The following BBS2 variants were observed in gnomAD, a reference collection of about 807,000 sequenced individuals.
The protein encoded by BBS2 is BBSome complex member BBS2.
In BBS2, 62 loss-of-function variants were observed where a neutral mutation model predicts 83.0. That is an observed-to-expected ratio of 0.75 (90% CI 0.61 to 0.92). The LOEUF (loss-of-function observed/expected upper bound fraction) is 0.92. Among genes scored for constraint, BBS2 ranks in the 40% least tolerant of loss-of-function variants. The pLI is 0.00. For missense variants in BBS2, 784 were observed against 901.0 expected (o/e 0.87, Z 1.66); for synonymous variants, 303 against 326.1 (o/e 0.93, Z 0.76).
At chr16:56,481,844 GAGT>G (rs1567562307), downstream of BBS2, among the ~76,000 whole-genome samples, 1 of 152,124 alleles carries the variant, frequency 6.6e-6, no homozygotes, top group Non-Finnish European at 1.5e-5. Context: ...GGGAAGTTTG[GAGT>G]AGAAGAGGCC....
intron 4 of BBS2, 146 bp downstream of exon 4, chr16:56,510,713 G>A (rs541209505): frequency 4.3e-5 from 34 of 792,756 alleles, no homozygotes; most frequent in South Asian, 2.5e-4. Context: ...AGAGAAAGAC[G>A]AATGGGGCCA....
intron 17 of BBS2, chr16:56,475,949 T>A (rs1457930888): frequency 8.7e-7 from 1 of 1,145,246 alleles, no homozygotes; most frequent in Admixed American, 2.3e-5. Context: ...CCAGATTAAG[T>A]GCTTGATATG....
chr16:56,483,398 A>T (rs1963693623), downstream of BBS2, among the ~76,000 whole-genome samples: 1 of 152,194 alleles, frequency 6.6e-6, no homozygotes, highest in African/African-American at 2.4e-5. Context: ...TATGTACTGA[A>T]TGTGAAACTA....
At position 56,508,392 on chromosome 16, in the gene BBS2, A is replaced by G. The variant is rs527485122; in HGVS notation, c.612+1565T>C. On this transcript the variant is annotated intron_variant, in intron 5 of 16. Transcript: ENST00000245157. ...AATTTTGCAAAATCCCACCATTCTG[A>G]TCTCTAAGACTCTCTTTTACTGGTT... Among the ~76,000 whole-genome samples, 3 of 152,224 alleles carry G rather than the reference A, an allele frequency of 2.0e-5. No individual in the cohort carries two copies. The East Asian group carries it at 5.8e-4, about 29-fold the overall frequency.
chr16:56,510,750 C>T, intron 4 of BBS2, 109 bp downstream of exon 4: 1 of 1,166,616 alleles, frequency 8.6e-7, no homozygotes, highest in Non-Finnish European at 1.3e-6. Context: ...GGCAACAGAG[C>T]ACCAAAATCA....
At chr16:56,494,125 ATTTTTTTTT>A (rs774708101) in intron 15 of BBS2, among the ~76,000 whole-genome samples, 1 of 120,150 alleles carries the variant, frequency 8.3e-6, no homozygotes, top group African/African-American at 3.3e-5. Context: ...TGCCCAGCTA[ATTTTTTTTT>A]TTTTTTTTTT....
In BBS2 at chr16:56,497,760, G is replaced by C; in HGVS notation, c.1780C>G (p.Arg594Gly). 3.1e-6 allele frequency: 5 copies of C among 1,613,242 alleles called. No homozygotes were observed. The highest frequency in any genetic ancestry group is 4.2e-6 in the Non-Finnish European group (5 of 1,179,826). ...ADFPVYFEEL[R>G]KVLVKVDEYH... ...TCCCTCACCTTAACTAGCACCTTTC[G>C]TAATTCCTCAAAATAGACAGGAAAA... Residue 594 changes from arginine to glycine, a missense_variant, in exon 14 of 17, where the codon CGA becomes GGA. Transcript: ENST00000245157.
downstream of BBS2, among the ~76,000 whole-genome samples, chr16:56,483,315 T>C (rs1383572100): frequency 6.6e-6 from 1 of 152,186 alleles, no homozygotes; most frequent in Non-Finnish European, 1.5e-5. Flanking sequence ...CACAAGGCCC[T>C]AGGACAGCCC....
rs1212295885 is a variant in BBS2 at position 56,497,094 on chromosome 16, C to T, written c.1798-15G>A. 2 of 1,553,488 alleles carry T rather than the reference C, an allele frequency of 1.3e-6. No homozygotes were observed. The highest frequency in any genetic ancestry group is 1.8e-6 in the Non-Finnish European group (2 of 1,124,976). ...TATTCATCCACCTGGAGACCATGAA[C>T]ACTCAGGAATGAAAAAGGCCTCACA... On this transcript the variant is annotated splice_polypyrimidine_tract_variant and intron_variant, in intron 14 of 16. Transcript: ENST00000245157.
Position 56,514,675 on chromosome 16 carries a change from A to G in BBS2, c.123T>C (p.Phe41=). ...LAAATQTGKV[F]IHNPHTRNQH... ...GGTTCCGTGTATGAGGATTATGAAT[A>G]AAAACCTGAAACAAAAATAACTAAT... The change falls in exon 2 of 17, where the codon TTT becomes TTC. Residue 41 remains phenylalanine (F), a synonymous_variant. Transcript: ENST00000245157. The G allele has an allele frequency of 6.2e-7, 1 of 1,610,756 alleles. No individual in the cohort carries two copies. The highest frequency in any genetic ancestry group is 8.5e-7 in the Non-Finnish European group (1 of 1,177,172).
intron 17 of BBS2, chr16:56,477,440 A>G (rs1196555434): frequency 1.3e-5 from 2 of 152,250 alleles, no homozygotes; most frequent in African/African-American, 4.8e-5. Context: ...CCAAGTGCCC[A>G]CTGCCTTTCC....
At chr16:56,476,348 T>C (rs962504233) in intron 17 of BBS2, 4 of 646,824 alleles carry the variant, frequency 6.2e-6, no homozygotes, top group African/African-American at 5.6e-5. Flanking sequence ...CTAGGACTCA[T>C]AATGATTGTC....
chr16:56,506,265 G>T, intron 5 of BBS2, 41 bp from the exon 6 acceptor site: 1 of 1,469,884 alleles, frequency 6.8e-7, no homozygotes. Flanking sequence ...TTTTCATTAA[G>T]ACTCAGTTTA....
intron 15 of BBS2, among the ~76,000 whole-genome samples, 156 bp from the exon 16 acceptor site, chr16:56,485,894 A>T (rs112698843): frequency 2.1e-4 from 32 of 152,336 alleles, no homozygotes; most frequent in African/African-American, 7.7e-4. Flanking sequence ...GAAAATACGG[A>T]TAAGTTCCAT....
At position 56,501,452 on chromosome 16, in the gene BBS2, T is replaced by C. The variant is rs62035990; in HGVS notation, c.1126A>G (p.Ile376Val). The C allele has an allele frequency of 5.6e-6, 9 of 1,614,166 alleles. No individual in the cohort carries two copies. Among genetic ancestry groups the C allele is most frequent in the Non-Finnish European group, 6.8e-6 (8 of 1,180,028 alleles). Residue 376 changes from isoleucine (I) to valine (V), a missense_variant, in exon 10 of 17, where the codon ATA (isoleucine) becomes GTA (valine). Coordinates refer to ENST00000245157, the MANE Select transcript of BBS2 (RefSeq NM_031885.5). ...PLNEADGHRG[I>V]IPANTRLHTT... is the part of the protein sequence containing the mutation. ...TGGAGCCTGGTATTGGCTGGGATTA[T>C]GCCCCGATGCCCATCAGCCTCGTTC...
rs1964215933 is a variant in BBS2, at chr16:56,499,952, T to C, written c.1398-45A>G. ...CACAAGAGAATTGTTTTGTATAGAA[T>C]GTTCTTTCAAAATGCAAGGCCCAGA... On this transcript the variant is annotated intron_variant, in intron 11 of 16. Coordinates refer to ENST00000245157, the MANE Select transcript of BBS2 (RefSeq NM_031885.5). 1.9e-6 allele frequency: 3 copies of C among 1,611,764 alleles called. No individual in the cohort carries two copies. In the South Asian group the frequency reaches 3.3e-5, roughly 18 times the overall value.
At chr16:56,508,401 ACT>A (rs1486292648) in intron 5 of BBS2, among the ~76,000 whole-genome samples, 12 of 151,724 alleles carry the variant, frequency 7.9e-5, no homozygotes, top group Non-Finnish European at 1.5e-5. Flanking sequence ...GATCTCTAAG[ACT>A]CTCTTTTACT....
At chr16:56,481,925 ACT>A (rs1395792137), downstream of BBS2, among the ~76,000 whole-genome samples, 2 of 152,074 alleles carry the variant, frequency 1.3e-5, no homozygotes, top group African/African-American at 4.8e-5. Flanking sequence ...TGTACAGGAC[ACT>A]CTGTCTTAGA....
intron 7 of BBS2, among the ~76,000 whole-genome samples, chr16:56,503,271 C>CAGTTATACT (rs1964330077): frequency 3.9e-5 from 6 of 152,252 alleles, no homozygotes; most frequent in Admixed American, 2.6e-4. Context: ...AGTACTATAT[C>CAGTTATACT]CCATTGGGTA....
Sources: allele counts gnomAD v4.1 joint callset (sites outside exome capture counted in the v4.1 genomes callset), GRCh38; gene constraint gnomAD v4.1.1; transcripts MANE v1.5; gene names NCBI Gene and HGNC (gene_info 2026-07-23, HGNC 2026-07-21).